The following GRIA1 variants were observed in gnomAD, a reference collection of about 807,000 sequenced individuals.
The protein encoded by GRIA1 is glutamate ionotropic receptor AMPA type subunit 1.
A neutral mutation model predicts 99.2 loss-of-function variants in GRIA1; 31 were observed. That is an observed-to-expected ratio of 0.31 (90% CI 0.23 to 0.42). The LOEUF is 0.42. GRIA1 is among the 10% of genes least tolerant of loss of function. The probability of loss-of-function intolerance (pLI) is 1.00; values close to 1 mark genes in which losing one functional copy is unlikely to be tolerated. For synonymous variants in GRIA1, 438 were observed against 432.4 expected (o/e 1.01, Z -0.16); for missense variants, 782 against 1,157.5 (o/e 0.68, Z 4.71).
At chr5:153,787,204 T>C (rs1349795640) in intron 13 of GRIA1, among the ~76,000 whole-genome samples, 1 of 152,208 alleles carries the variant, frequency 6.6e-6, no homozygotes, top group Non-Finnish European at 1.5e-5. Flanking sequence ...TGGACCTTAA[T>C]GTGCACAAGT....
At chr5:153,740,966 CTTTTTTTTTTT>C (rs10601141) in intron 11 of GRIA1, among the ~76,000 whole-genome samples, 2 of 76,782 alleles carry the variant, frequency 2.6e-5, no homozygotes, top group African/African-American at 1.1e-4. Flanking sequence ...AAGAAATTGG[CTTTTTTTTTTT>C]TTTTTTTTTT....
intron 13 of GRIA1, among the ~76,000 whole-genome samples, chr5:153,777,266 G>A (rs1764315659): frequency 6.6e-6 from 1 of 152,180 alleles, no homozygotes; most frequent in African/African-American, 2.4e-5. Flanking sequence ...AGTGGTCTGA[G>A]GAGGCAGAAC....
At chr5:153,765,209 G>A (rs1470459518) in intron 12 of GRIA1, among the ~76,000 whole-genome samples, 3 of 152,090 alleles carry the variant, frequency 2.0e-5, no homozygotes, top group African/African-American at 7.2e-5. Context: ...AGAGAGCTTA[G>A]GAGCACAGCC....
intron 8 of GRIA1, among the ~76,000 whole-genome samples, chr5:153,688,721 C>CTTTTTTTTT (rs921251469): frequency 1.3e-5 from 2 of 151,172 alleles, no homozygotes. Context: ...CTTTCAGATT[C>CTTTTTTTTT]TTTTTTTGTT....
chr5:153,516,638 G>A (rs991040911), intron 2 of GRIA1, among the ~76,000 whole-genome samples: 8 of 152,032 alleles, frequency 5.3e-5, no homozygotes, highest in Admixed American at 5.2e-4. Context: ...TTTAACCTCT[G>A]GAATCATGTG....
At chr5:153,715,741 C>T (rs1561794138) in intron 11 of GRIA1, among the ~76,000 whole-genome samples, 1 of 152,158 alleles carries the variant, frequency 6.6e-6, no homozygotes, top group Non-Finnish European at 1.5e-5. Flanking sequence ...ATGTCTGTTT[C>T]TTATTGAGAC....
chr5:153,492,906 T>C (rs1023281612), intron 1 of GRIA1, among the ~76,000 whole-genome samples: 6 of 152,230 alleles, frequency 3.9e-5, no homozygotes, highest in Admixed American at 6.5e-5. Flanking sequence ...AATCCATTTA[T>C]TGGTTCTTAA....
At chr5:153,657,097 C>A (rs955108962) in intron 5 of GRIA1, among the ~76,000 whole-genome samples, 2 of 152,132 alleles carry the variant, frequency 1.3e-5, no homozygotes, top group African/African-American at 2.4e-5. Flanking sequence ...TTTCTTTATC[C>A]ATTTTTCAGT....
At chr5:153,618,619 A>G (rs1480129774) in intron 2 of GRIA1, among the ~76,000 whole-genome samples, 1 of 152,184 alleles carries the variant, frequency 6.6e-6, no homozygotes, top group Non-Finnish European at 1.5e-5. Flanking sequence ...AAACAAAGAA[A>G]TGAAAACAAA....
At chr5:153,774,436 C>T (rs1764090853) in intron 13 of GRIA1, among the ~76,000 whole-genome samples, 1 of 152,182 alleles carries the variant, frequency 6.6e-6, no homozygotes, top group South Asian at 2.1e-4. Context: ...ACTCACAAGG[C>T]TGCAAACTCT....
rs1375511557 is a variant in GRIA1 at position 153,677,027 on chromosome 5, G to T, written c.895G>T (p.Val299Leu). Reference protein sequence around the residue: ...TSALTYDGVKVMAEAFQSLRR... With the variant: ...TSALTYDGVKLMAEAFQSLRR... ...TGCGCTCACCTACGATGGGGTGAAG[G>T]TGATGGCTGAGGCTTTCCAGAGCCT... Residue 299 changes from valine (V) to leucine (L), a missense_variant, in exon 7 of 16, where the codon GTG (valine) becomes TTG (leucine). Around this residue, in one of 5 missense-constraint regions of GRIA1, gnomAD observed 461 missense variants for 521.7 expected, o/e 0.88. Transcript: ENST00000285900. The T allele has an allele frequency of 6.4e-7, 1 of 1,557,128 alleles. No homozygotes were observed. Among genetic ancestry groups the T allele is most frequent in the Non-Finnish European group, 8.7e-7 (1 of 1,146,438 alleles).
At chr5:153,610,200 CAGAT>C (rs1383600401) in intron 2 of GRIA1, among the ~76,000 whole-genome samples, 1 of 152,186 alleles carries the variant, frequency 6.6e-6, no homozygotes, top group African/African-American at 2.4e-5. Context: ...GACTTACAAA[CAGAT>C]AGTGTGTATC....
chr5:153,690,303 A>G lies in GRIA1; in HGVS notation c.1134+3974A>G, dbSNP rs181000898. Among the ~76,000 whole-genome samples, 156 of 151,950 alleles carry G rather than the reference A, an allele frequency of 1.0e-3. 3 individuals are homozygous for G. The highest frequency in any genetic ancestry group is 0.01 in the Admixed American group (154 of 15,250). On this transcript the variant is annotated intron_variant, in intron 8 of 15. Coordinates refer to ENST00000285900, the MANE Select transcript of GRIA1 (RefSeq NM_000827.4). ...TAATTTATAATATAATTTACAAAAA[A>G]AGAAACACTGACAGGGTGGCTAAGA...
At chr5:153,688,721 C>CTTTTTTTTTTT (rs921251469) in intron 8 of GRIA1, among the ~76,000 whole-genome samples, 1 of 151,170 alleles carries the variant, frequency 6.6e-6, no homozygotes, top group African/African-American at 2.4e-5. Flanking sequence ...CTTTCAGATT[C>CTTTTTTTTTTT]TTTTTTTGTT....
chr5:153,627,580 G>C (rs1471492754), intron 2 of GRIA1, among the ~76,000 whole-genome samples: 1 of 152,072 alleles, frequency 6.6e-6, no homozygotes, highest in Non-Finnish European at 1.5e-5. Context: ...TAAAAGAATG[G>C]GGCAAGCGAT....
intron 2 of GRIA1, among the ~76,000 whole-genome samples, chr5:153,552,348 T>A (rs1195492904): frequency 6.6e-6 from 1 of 152,192 alleles, no homozygotes; most frequent in Admixed American, 6.5e-5. Context: ...CTCTCCAGTT[T>A]GCTGCTGTCC....
intron 6 of GRIA1, 30 bp downstream of exon 6, chr5:153,674,691 G>T (rs772647924): frequency 6.2e-7 from 1 of 1,610,138 alleles, no homozygotes; most frequent in South Asian, 1.1e-5. Context: ...GCAGCAAAGG[G>T]CCAGCCTGGT....
chr5:153,775,792 G>A (rs1764198962), intron 13 of GRIA1, among the ~76,000 whole-genome samples: 1 of 150,176 alleles, frequency 6.7e-6, no homozygotes, highest in Non-Finnish European at 1.5e-5. Context: ...CGTTTGCGTG[G>A]TAGGATTTGC....
At chr5:153,688,483 G>C (rs981706961) in intron 8 of GRIA1, among the ~76,000 whole-genome samples, 1 of 152,154 alleles carries the variant, frequency 6.6e-6, no homozygotes, top group Non-Finnish European at 1.5e-5. Context: ...TCTGTAAAAC[G>C]GGCACAGATC....
Sources: allele counts gnomAD v4.1 joint callset (sites outside exome capture counted in the v4.1 genomes callset), GRCh38; gene constraint gnomAD v4.1.1; regional missense constraint gnomAD v4.1.1; transcripts MANE v1.5; gene names NCBI Gene and HGNC (gene_info 2026-07-23, HGNC 2026-07-21).